The following GRID2 variants were observed in gnomAD, a reference collection of about 807,000 sequenced individuals.
The protein encoded by GRID2 is glutamate ionotropic receptor delta type subunit 2.
Under a neutral mutation model 114.8 loss-of-function variants are expected in GRID2, and 33 were observed. The ratio of observed to expected loss-of-function variants is 0.29; its 90% confidence interval spans 0.22 to 0.38. The LOEUF (loss-of-function observed/expected upper bound fraction) is 0.38. Among genes scored for constraint, GRID2 ranks in the 10% least tolerant of loss-of-function variants. The pLI is 1.00. For synonymous variants in GRID2, 505 were observed against 449.9 expected (o/e 1.12, Z -1.55); for missense variants, 1,184 against 1,257.7 (o/e 0.94, Z 0.89).
chr4:92,864,480 A>G (rs1427180344), intron 2 of GRID2, among the ~76,000 whole-genome samples: 2 of 152,190 alleles, frequency 1.3e-5, no homozygotes, highest in Admixed American at 6.5e-5. Context: ...CCTTTATGGA[A>G]GGATAACTCA....
At chr4:92,523,964 C>A (rs1300077269) in intron 1 of GRID2, among the ~76,000 whole-genome samples, 1 of 151,984 alleles carries the variant, frequency 6.6e-6, no homozygotes, top group Admixed American at 6.6e-5. Context: ...ACAATTGGAG[C>A]AAAGTCCCAT....
At chr4:92,339,690 T>C (rs1727375254) in intron 1 of GRID2, among the ~76,000 whole-genome samples, 1 of 152,176 alleles carries the variant, frequency 6.6e-6, no homozygotes, top group Admixed American at 6.5e-5. Context: ...AGTATACTAA[T>C]TTCCCCAAAT....
At chr4:93,250,379 G>A (rs185371208) in intron 8 of GRID2, among the ~76,000 whole-genome samples, 10 of 151,500 alleles carry the variant, frequency 6.6e-5, no homozygotes, top group African/African-American at 2.4e-4. Flanking sequence ...TAGCATTAGG[G>A]GAAATACCTA....
chr4:92,889,231 C>G (rs1050140768), intron 2 of GRID2, among the ~76,000 whole-genome samples: 3 of 151,936 alleles, frequency 2.0e-5, no homozygotes, highest in African/African-American at 7.2e-5. Flanking sequence ...TCAGTAGATA[C>G]GTTCACCATT....
In GRID2 at chr4:93,023,440, A is replaced by G. The variant is rs142168879; in HGVS notation, c.245-61555A>G. Among the ~76,000 whole-genome samples the G allele has an allele frequency of 8.6e-3, 1,309 of 152,112 alleles. 23 individuals carry two copies. The highest frequency in any genetic ancestry group is 0.03 in the African/African-American group (1,229 of 41,556). On this transcript the variant is annotated intron_variant, in intron 2 of 15. Coordinates refer to ENST00000282020, the MANE Select transcript of GRID2 (RefSeq NM_001510.4). ...ACCTGTGTAACTTTGTTTAATCACA[A>G]TGTTTCTCAAATCATTTACACATAT...
At chr4:93,119,090 A>G (rs1433873111) in intron 4 of GRID2, among the ~76,000 whole-genome samples, 1 of 152,092 alleles carries the variant, frequency 6.6e-6, no homozygotes. Flanking sequence ...CATTGAGTTA[A>G]TTATGCTCCC....
intron 13 of GRID2, among the ~76,000 whole-genome samples, chr4:93,614,266 C>A (rs140821102): frequency 2.0e-5 from 3 of 152,148 alleles, no homozygotes; most frequent in African/African-American, 2.4e-5. Flanking sequence ...AGAAATCACC[C>A]GTCTTCTGCG....
chr4:92,589,520 A>C (rs1579638282), intron 1 of GRID2, among the ~76,000 whole-genome samples: 2 of 152,224 alleles, frequency 1.3e-5, no homozygotes, highest in African/African-American at 4.8e-5. Context: ...AAATGCTATA[A>C]TTATCCATTA....
chr4:92,323,496 C>T lies in GRID2; in HGVS notation c.88+18752C>T, dbSNP rs1160454146. On this transcript the variant is annotated intron_variant, in intron 1 of 15. Transcript: ENST00000282020. ...TCTCTGTTCCAAAGTCCAGTTTTAC[C>T]TGAAGAAATGATTGTGTGGTAGCCT... 2.0e-5 allele frequency among the ~76,000 whole-genome samples: 3 copies of T among 151,972 alleles called. No individual in the cohort carries two copies. In the East Asian group the frequency reaches 5.8e-4, roughly 29 times the overall value.
chr4:92,346,961 C>T (rs941956174), intron 1 of GRID2, among the ~76,000 whole-genome samples: 5 of 152,192 alleles, frequency 3.3e-5, no homozygotes, highest in African/African-American at 1.2e-4. Flanking sequence ...TCTTTTGATA[C>T]TTCTCCTAGG....
At chr4:92,484,941 A>G (rs1722792065) in intron 1 of GRID2, among the ~76,000 whole-genome samples, 1 of 152,004 alleles carries the variant, frequency 6.6e-6, no homozygotes, top group Non-Finnish European at 1.5e-5. Flanking sequence ...TGTAATATGG[A>G]GGATTACATG....
At chr4:92,452,965 T>C (rs900325651) in intron 1 of GRID2, among the ~76,000 whole-genome samples, 2 of 143,720 alleles carry the variant, frequency 1.4e-5, no homozygotes, top group African/African-American at 2.5e-5. Flanking sequence ...TGTGTGTGTG[T>C]GCATACACTT....
rs543155627 is a variant in GRID2, at chr4:92,311,824, G to A, written c.88+7080G>A. On this transcript the variant is annotated intron_variant, in intron 1 of 15. Transcript: ENST00000282020. ...ATTTTATTCTGAATTTACTCTGTATGAAGCATTGCTTTTAGTCTCTAAAAT... is the reference window on the plus strand; with the variant it reads ...ATTTTATTCTGAATTTACTCTGTATAAAGCATTGCTTTTAGTCTCTAAAAT... 7.2e-5 allele frequency among the ~76,000 whole-genome samples: 11 copies of A among 152,128 alleles called. No individual in the cohort carries two copies. The East Asian group carries it at 1.9e-3, about 27-fold the overall frequency.
chr4:93,562,981 A>G (rs1735066085), intron 13 of GRID2, among the ~76,000 whole-genome samples: 1 of 151,922 alleles, frequency 6.6e-6, no homozygotes, highest in African/African-American at 2.4e-5. Context: ...TGGTAGCTTT[A>G]TTGTAAGCCT....
intron 4 of GRID2, 70 bp from the exon 5 acceptor site, chr4:93,207,334 T>C: frequency 9.9e-7 from 1 of 1,005,240 alleles, no homozygotes; most frequent in Non-Finnish European, 1.6e-6. Flanking sequence ...ATTTGCAAAG[T>C]ATATTCATTT....
intron 2 of GRID2, among the ~76,000 whole-genome samples, chr4:92,824,108 G>T (rs1340761390): frequency 6.6e-6 from 1 of 152,114 alleles, no homozygotes; most frequent in Non-Finnish European, 1.5e-5. Context: ...AGATAATGAA[G>T]GTTAGGCCAG....
rs780806171 is a variant in GRID2, at chr4:93,772,115, G to C, written c.2641G>C (p.Val881Leu). 3 of 1,612,652 alleles carry C rather than the reference G, an allele frequency of 1.9e-6. No homozygotes were observed. The highest frequency in any genetic ancestry group is 2.5e-6 in the Non-Finnish European group (3 of 1,178,906). Residue 881 changes from valine to leucine, a missense_variant, in exon 16 of 16, where the codon GTA becomes CTA. Around this residue, in one of 3 missense-constraint regions of GRID2, gnomAD observed 717 missense variants for 796.9 expected, o/e 0.90. Coordinates refer to ENST00000282020, the MANE Select transcript of GRID2 (RefSeq NM_001510.4). ...TGACCTGGAGCACCTCCATAGACGT[G>C]TAAATAGCTTGTGCACAGATGACGA... is the stretch of plus-strand genomic sequence containing the variant. ...EIDLEHLHRRVNSLCTDDDSP... is the reference protein window; with the variant it reads ...EIDLEHLHRRLNSLCTDDDSP...
At chr4:92,916,165 T>A (rs774128851) in intron 2 of GRID2, among the ~76,000 whole-genome samples, 2 of 152,152 alleles carry the variant, frequency 1.3e-5, no homozygotes, top group Non-Finnish European at 2.9e-5. Context: ...TAAATGGTAT[T>A]GCCTAAGCTG....
intron 2 of GRID2, among the ~76,000 whole-genome samples, chr4:92,791,858 C>T (rs1739606803): frequency 6.6e-6 from 1 of 151,852 alleles, no homozygotes; most frequent in African/African-American, 2.4e-5. Flanking sequence ...GAAGAACTCT[C>T]CTTGGCCAGA....
Sources: gnomAD v4.1 joint callset for allele counts (sites outside exome capture counted in the v4.1 genomes callset) on GRCh38, gnomAD v4.1.1 for gene constraint, gnomAD v4.1.1 regional missense constraint, MANE v1.5 for transcripts, NCBI Gene and HGNC (gene_info 2026-07-23, HGNC 2026-07-21) for gene names.